The following NFYC variants were observed in gnomAD, a reference collection of about 807,000 sequenced individuals.
The protein encoded by NFYC is CAAT box DNA-binding protein subunit C.
Under a neutral mutation model 53.1 loss-of-function variants are expected in NFYC, and 25 were observed. That is an observed-to-expected ratio of 0.47 (90% CI 0.34 to 0.66). The LOEUF (loss-of-function observed/expected upper bound fraction) is 0.66, where lower values mean the gene tolerates loss of function less well. Ranked by LOEUF, NFYC falls within the 30% of genes least tolerant of loss-of-function variation. The pLI is 0.01. For missense variants in NFYC, 260 were observed against 422.7 expected (o/e 0.62, Z 3.38); for synonymous variants, 145 against 152.6 (o/e 0.95, Z 0.37).
rs57102599 is a variant in NFYC, at chr1:40,703,480, TAAAAA to T, written c.-9+11623_-9+11627del. On this transcript the variant is annotated intron_variant, in intron 1 of 9. Coordinates refer to ENST00000447388, the MANE Select transcript of NFYC (RefSeq NM_014223.5). ...GTACTCCAGCCTGGGCAATTAGCCCTAAAAAAAAAAAAAAGAATATGAAGCTCTTA... is the reference window on the plus strand; with the variant it reads ...GTACTCCAGCCTGGGCAATTAGCCCTAAAAAAAAAGAATATGAAGCTCTTA... 1.2e-4 allele frequency among the ~76,000 whole-genome samples: 12 copies of T among 97,738 alleles called. 2 individuals are homozygous for T. Among genetic ancestry groups the T allele is most frequent in the Non-Finnish European group, 1.4e-4 (7 of 51,668 alleles). 64.1% of individuals were successfully genotyped at this position (97,738 alleles called of 152,430 possible).
At chr1:40,712,090 T>C (rs1643945725) in intron 1 of NFYC, among the ~76,000 whole-genome samples, 1 of 152,226 alleles carries the variant, frequency 6.6e-6, no homozygotes, top group Admixed American at 6.5e-5. Context: ...TAGTTGTTAC[T>C]AATCCAGACT....
chr1:40,706,872 A>G (rs2148436686), intron 1 of NFYC, among the ~76,000 whole-genome samples: 1 of 152,234 alleles, frequency 6.6e-6, no homozygotes, highest in East Asian at 1.9e-4. Context: ...TGCTGTGCTT[A>G]TTCTTAAAAA....
intron 1 of NFYC, chr1:40,723,868 G>A: frequency 6.6e-6 from 1 of 151,998 alleles, no homozygotes; most frequent in Non-Finnish European, 1.5e-5. Context: ...TTGAGATGGG[G>A]GTCTCACTAT....
chr1:40,735,624 A>T (rs1570525648), intron 1 of NFYC: 1 of 985,310 alleles, frequency 1.0e-6, no homozygotes, highest in South Asian at 4.7e-5. Flanking sequence ...AACTAAACCT[A>T]CCCATCCATT....
chr1:40,753,991 C>A (rs938302553), intron 5 of NFYC, among the ~76,000 whole-genome samples: 1 of 152,086 alleles, frequency 6.6e-6, no homozygotes, highest in Non-Finnish European at 1.5e-5. Flanking sequence ...TTGTAATAGA[C>A]CTCTGTCCTT....
chr1:40,701,106 C>CT (rs982407642), intron 1 of NFYC, among the ~76,000 whole-genome samples: 18 of 151,916 alleles, frequency 1.2e-4, no homozygotes, highest in African/African-American at 3.9e-4. Flanking sequence ...GTATACCTTT[C>CT]TTTTTTTTGA....
chr1:40,716,461 TAAAA>T (rs995730093), intron 1 of NFYC, among the ~76,000 whole-genome samples: 3 of 152,022 alleles, frequency 2.0e-5, no homozygotes, highest in African/African-American at 4.8e-5. Flanking sequence ...GAAGGAGTGG[TAAAA>T]GAAAGAAGTA....
rs1481648517 is a variant in NFYC, at chr1:40,771,493, T to C, written c.*665T>C. The C allele has an allele frequency of 2.1e-6, 1 of 466,464 alleles. No individual in the cohort carries two copies. The highest frequency in any genetic ancestry group is 2.0e-5 in the African/African-American group (1 of 49,828). The allele number at this position is 466,464 out of a possible 1,614,324, so 28.9% of individuals were successfully genotyped here. On this transcript the variant is annotated 3_prime_UTR_variant, in exon 10 of 10. Transcript: ENST00000447388. The stretch of plus-strand genomic sequence containing the variant: ...AGGGACCCAGGAAACTAGGACTTTG[T>C]GTGTTTGCTGCCCACCTCCCTTTTA...
rs1455977736 is a variant in NFYC at position 40,698,284 on chromosome 1, A to G, written c.-9+6417A>G. Among the ~76,000 whole-genome samples, 7 of 151,234 alleles carry G rather than the reference A, an allele frequency of 4.6e-5. No individual in the cohort carries two copies. The East Asian group carries it at 1.4e-3, about 30-fold the overall frequency. ...AGGCTGAGGCAGGAGAATCGCTCGAACCCAGAGGCGGAGGCTGCAGTGAGC... is the reference window on the plus strand; with the variant it reads ...AGGCTGAGGCAGGAGAATCGCTCGAGCCCAGAGGCGGAGGCTGCAGTGAGC... On this transcript the variant is annotated intron_variant, in intron 1 of 9. Coordinates refer to ENST00000447388, the MANE Select transcript of NFYC (RefSeq NM_014223.5).
intron 2 of NFYC, among the ~76,000 whole-genome samples, chr1:40,746,555 G>A (rs1431742909): frequency 6.6e-6 from 1 of 152,188 alleles, no homozygotes; most frequent in Non-Finnish European, 1.5e-5. Context: ...TAGGTTTAGT[G>A]AGTCACATTT....
At chr1:40,751,231 G>T (rs563038360) in intron 4 of NFYC, among the ~76,000 whole-genome samples, 3 of 152,222 alleles carry the variant, frequency 2.0e-5, no homozygotes, top group African/African-American at 7.2e-5. Context: ...ATACAACATG[G>T]ATAAATCTCA....
intron 1 of NFYC, among the ~76,000 whole-genome samples, chr1:40,729,771 G>A (rs1644683192): frequency 6.6e-6 from 1 of 151,502 alleles, no homozygotes; most frequent in Admixed American, 6.6e-5. Context: ...CGCCTCCTGG[G>A]TTCAAGAGAT....
intron 2 of NFYC, among the ~76,000 whole-genome samples, chr1:40,746,932 C>A (rs1404008540): frequency 1.3e-5 from 2 of 152,124 alleles, no homozygotes; most frequent in Non-Finnish European, 2.9e-5. Context: ...CTCCTCTACC[C>A]CCACTTGAAA....
At chr1:40,767,149 C>T (rs2148802877) in intron 8 of NFYC, 1 of 621,136 alleles carries the variant, frequency 1.6e-6, no homozygotes, top group South Asian at 1.8e-5. Flanking sequence ...AATTGCCCTT[C>T]TCCTCTCCTC....
intron 1 of NFYC, 149 bp downstream of exon 1, chr1:40,692,016 C>G (rs931300670): frequency 1.2e-5 from 3 of 240,050 alleles, no homozygotes; most frequent in South Asian, 9.5e-5. Flanking sequence ...CCATGTTGTG[C>G]TCTTGCCTGG....
intron 1 of NFYC, among the ~76,000 whole-genome samples, chr1:40,733,398 T>C (rs1190153007): frequency 6.6e-6 from 1 of 150,746 alleles, no homozygotes; most frequent in Non-Finnish European, 1.5e-5. Flanking sequence ...GGTAGGAGGA[T>C]TGCTTGAGCC....
chr1:40,747,655 T>TA, intron 3 of NFYC, 50 bp downstream of exon 3: 1 of 1,212,754 alleles, frequency 8.2e-7, no homozygotes, highest in Non-Finnish European at 1.2e-6. Context: ...AAGTGATGGG[T>TA]AGGTTATTGC....
rs944619441 is a variant in NFYC, at chr1:40,697,172, C to T, written c.-9+5305C>T. On this transcript the variant is annotated intron_variant, in intron 1 of 9. Transcript: ENST00000447388. ...TAATTATGAGAAATGAATATAATAGCGTGTGGTAGATGCCTATCACTTAGT... is the reference window on the plus strand; with the variant it reads ...TAATTATGAGAAATGAATATAATAGTGTGTGGTAGATGCCTATCACTTAGT... Among the ~76,000 whole-genome samples, 8 of 152,124 alleles carry T rather than the reference C, an allele frequency of 5.3e-5. No individual in the cohort carries two copies. The South Asian group carries it at 6.2e-4, about 12-fold the overall frequency.
chr1:40,733,332 G>A (rs940086336), intron 1 of NFYC, among the ~76,000 whole-genome samples: 3 of 151,458 alleles, frequency 2.0e-5, no homozygotes, highest in Non-Finnish European at 2.9e-5. Flanking sequence ...AGAATACTTC[G>A]TGGAGAGATA....
Sources: allele counts gnomAD v4.1 joint callset (sites outside exome capture counted in the v4.1 genomes callset), GRCh38; gene constraint gnomAD v4.1.1; transcripts MANE v1.5; gene names NCBI Gene and HGNC (gene_info 2026-07-23, HGNC 2026-07-21).